DYNC2I2: variants seen among roughly 807,000 people sequenced by gnomAD.
DYNC2I2 encodes the protein dynein 2 intermediate chain 2.
DYNC2I2 carries 39 observed loss-of-function variants against 52.0 expected under a neutral mutation model. The observed-to-expected ratio is 0.75, with a 90% CI of 0.58 to 0.98. The LOEUF is 0.98. DYNC2I2 is among the 50% of genes least tolerant of loss of function. The pLI, the probability that DYNC2I2 is intolerant of heterozygous loss-of-function variation, is 0.00. For missense variants in DYNC2I2, 743 were observed against 728.4 expected, an observed-to-expected ratio of 1.02 and a Z score of -0.23; for synonymous variants, 359 against 321.1, an observed-to-expected ratio of 1.12 and a Z score of -1.26.
Position 128,656,526 on chromosome 9 carries a change from G to C in DYNC2I2, c.186+15C>G. On this transcript the variant is annotated intron_variant, in intron 1 of 8. Transcript: ENST00000372715. ...TTCCCGCCCGCGTCGCTCCGCGCGG[G>C]GCCCGCGCCCTCACCGTCTCCCAGC... 1.5e-6 allele frequency: 2 copies of C among 1,314,424 alleles called. No homozygotes were observed. The highest frequency in any genetic ancestry group is 1.5e-5 in the African/African-American group (1 of 64,690). 81.4% of individuals were successfully genotyped at this position (1,314,424 alleles called of 1,614,324 possible).
the DYNC2I2 span, among the ~76,000 whole-genome samples, chr9:128,672,798 CA>C: frequency 6.6e-6 from 1 of 152,082 alleles, no homozygotes; most frequent in Non-Finnish European, 1.5e-5. Context: ...GAGGCCGAGG[CA>C]GGCGGATCAC....
the DYNC2I2 span, among the ~76,000 whole-genome samples, chr9:128,671,470 CTTTTTTTTTTTTT>C: frequency 9.3e-6 from 1 of 107,760 alleles, no homozygotes; most frequent in Non-Finnish European, 1.9e-5. Flanking sequence ...CTGGCTAATT[CTTTTTTTTTTTTT>C]TTTTTTTTTG....
chr9:128,664,108 C>T, the DYNC2I2 span, among the ~76,000 whole-genome samples: 1 of 151,976 alleles, frequency 6.6e-6, no homozygotes, highest in Non-Finnish European at 1.5e-5. Context: ...CAGGTGGCCG[C>T]CACCACACCT....
chr9:128,677,281 C>T, the DYNC2I2 span, among the ~76,000 whole-genome samples: 4 of 150,698 alleles, frequency 2.7e-5, no homozygotes, highest in Admixed American at 6.6e-5. Flanking sequence ...GAGCAGAATT[C>T]GAGACTAGCC....
the DYNC2I2 span, among the ~76,000 whole-genome samples, chr9:128,668,619 G>A: frequency 6.6e-6 from 1 of 150,948 alleles, no homozygotes; most frequent in African/African-American, 2.4e-5. Flanking sequence ...TCAGGAGTTT[G>A]AGACCAGCTT....
rs78693200 is a variant in DYNC2I2 at position 128,641,704 on chromosome 9, C to T, written c.187-765G>A. On this transcript the variant is annotated intron_variant, in intron 1 of 8. Transcript: ENST00000372715. ...GGGACAATGACAAGGCCCTGGACTG[C>T]CACACTCCCTCCTTCCCATCTCATG... Among the ~76,000 whole-genome samples, 409 of 152,256 alleles carry T rather than the reference C, an allele frequency of 2.7e-3. 9 individuals carry two copies. In the East Asian group the frequency reaches 0.04, roughly 15 times the overall value.
intron 2 of DYNC2I2, among the ~76,000 whole-genome samples, chr9:128,639,666 GTTT>G (rs959152292): frequency 6.6e-6 from 1 of 151,414 alleles, no homozygotes; most frequent in Non-Finnish European, 1.5e-5. Flanking sequence ...TTTTTTTGTT[GTTT>G]TTTTGTCTTT....
chr9:128,665,767 G>A, the DYNC2I2 span, among the ~76,000 whole-genome samples: 4 of 58,922 alleles, frequency 6.8e-5, no homozygotes, highest in African/African-American at 2.4e-4. Flanking sequence ...GAGACTCTGT[G>A]TCAAAAAAAA....
At chr9:128,680,124 G>A in the DYNC2I2 span, among the ~76,000 whole-genome samples, 1 of 151,664 alleles carries the variant, frequency 6.6e-6, no homozygotes, top group Non-Finnish European at 1.5e-5. Context: ...GCAATGGTGT[G>A]ACCTCGGCTC....
chr9:128,676,454 C>T, the DYNC2I2 span, among the ~76,000 whole-genome samples: 4 of 152,008 alleles, frequency 2.6e-5, no homozygotes, highest in Admixed American at 2.0e-4. Flanking sequence ...CCTGCCATTA[C>T]ACTCCAGCCT....
At chr9:128,656,290 G>A (rs926010572) in intron 1 of DYNC2I2, among the ~76,000 whole-genome samples, 1 of 152,018 alleles carries the variant, frequency 6.6e-6, no homozygotes, top group African/African-American at 2.4e-5. Context: ...CCTTCAAAAC[G>A]TGGGATCCTT....
At position 128,636,432 on chromosome 9, in the gene DYNC2I2, G is replaced by A; in HGVS notation, c.552C>T (p.Asp184=). 1 of 1,603,580 alleles carries A rather than the reference G, an allele frequency of 6.2e-7. No individual in the cohort carries two copies. The highest frequency in any genetic ancestry group is 8.5e-7 in the Non-Finnish European group (1 of 1,177,582). The change falls in exon 4 of 9, where the codon GAC becomes GAT. Residue 184 remains aspartate, a synonymous_variant. Transcript: ENST00000372715. ...SVVACAYGRL[D]HGDWSTLKSF... ...ACTTAAGCGTGCTCCAGTCCCCATG[G>A]TCCAGCCTGTGCAGGGACAGGCTTG... is the stretch of plus-strand genomic sequence containing the variant.
chr9:128,656,881 T>C (rs933237656), upstream of DYNC2I2: 3 of 773,320 alleles, frequency 3.9e-6, no homozygotes, highest in Non-Finnish European at 5.5e-6. Context: ...AAAGTAACGA[T>C]TCTTCTCGGC....
the DYNC2I2 span, among the ~76,000 whole-genome samples, chr9:128,667,960 T>C: frequency 1.6e-3 from 23 of 14,476 alleles, 1 homozygote; most frequent in Admixed American, 2.8e-3. Context: ...CTCGATCTCT[T>C]TTTTTTTTTT....
the DYNC2I2 span, among the ~76,000 whole-genome samples, chr9:128,673,532 G>T: frequency 6.7e-6 from 1 of 150,004 alleles, no homozygotes; most frequent in East Asian, 2.0e-4. Context: ...CTGAGACGGA[G>T]TCTAGCTCTG....
At chr9:128,657,691 C>T (rs957375762), upstream of DYNC2I2, among the ~76,000 whole-genome samples, 2 of 152,000 alleles carry the variant, frequency 1.3e-5, no homozygotes, top group Non-Finnish European at 1.5e-5. Flanking sequence ...GCCTGTAGTC[C>T]CACCTACTCG....
chr9:128,655,840 G>A (rs1423782732), intron 1 of DYNC2I2, among the ~76,000 whole-genome samples: 1 of 150,382 alleles, frequency 6.6e-6, no homozygotes, highest in Non-Finnish European at 1.5e-5. Context: ...GAACCTGGGA[G>A]GCGGAGTTTG....
chr9:128,657,253 G>A (rs1174706612), upstream of DYNC2I2, among the ~76,000 whole-genome samples: 2 of 152,180 alleles, frequency 1.3e-5, no homozygotes, highest in Non-Finnish European at 2.9e-5. Context: ...CCTAAATGTG[G>A]TTAAAAAGCT....
At chr9:128,667,421 G>A in the DYNC2I2 span, among the ~76,000 whole-genome samples, 2 of 151,824 alleles carry the variant, frequency 1.3e-5, no homozygotes, top group African/African-American at 4.8e-5. Flanking sequence ...CGCCTCCCTG[G>A]TTCAAGCGAT....
Sources: allele counts gnomAD v4.1 joint callset (sites outside exome capture counted in the v4.1 genomes callset), GRCh38; gene constraint gnomAD v4.1.1; transcripts MANE v1.5; gene names NCBI Gene and HGNC (gene_info 2026-07-23, HGNC 2026-07-21).